Variants in PCDHA13 observed in about 807,000 individuals in gnomAD.
PCDHA13 encodes the protein protocadherin alpha-13.
A neutral mutation model predicts 64.8 loss-of-function variants in PCDHA13; 54 were observed. The ratio of observed to expected loss-of-function variants is 0.83; its 90% confidence interval spans 0.67 to 1.04. The LOEUF (loss-of-function observed/expected upper bound fraction) is 1.04, where lower values mean the gene tolerates loss of function less well. Among genes scored for constraint, PCDHA13 ranks in the 50% least tolerant of loss-of-function variants. The pLI, the probability that PCDHA13 is intolerant of heterozygous loss-of-function variation, is 0.00. For missense variants in PCDHA13, 1,248 were observed against 1,254.3 expected, an observed-to-expected ratio of 0.99 and a Z score of 0.08; for synonymous variants, 587 against 564.4, an observed-to-expected ratio of 1.04 and a Z score of -0.57.
At chr5:140,999,980 C>G (rs1386394350) in intron 3 of PCDHA13, among the ~76,000 whole-genome samples, 1 of 152,076 alleles carries the variant, frequency 6.6e-6, no homozygotes, top group East Asian at 1.9e-4. Flanking sequence ...GCTCTAGCGG[C>G]CTCTGGGTAG....
chr5:140,884,947 C>CA (rs2060414559), intron 1 of PCDHA13, among the ~76,000 whole-genome samples: 1 of 152,090 alleles, frequency 6.6e-6, no homozygotes, highest in Non-Finnish European at 1.5e-5. Context: ...TGAGCATTTA[C>CA]AAAAAATTCC....
At chr5:140,984,566 C>T (rs899278255) in intron 3 of PCDHA13, among the ~76,000 whole-genome samples, 4 of 152,124 alleles carry the variant, frequency 2.6e-5, no homozygotes, top group Non-Finnish European at 5.9e-5. Context: ...TCCAACTACT[C>T]CATGGCAACC....
chr5:140,974,751 G>A (rs530548991), intron 1 of PCDHA13, among the ~76,000 whole-genome samples: 11 of 152,284 alleles, frequency 7.2e-5, no homozygotes, highest in African/African-American at 2.4e-4. Flanking sequence ...GCCTCCCAAA[G>A]TGCTGGGATT....
At chr5:140,916,163 C>G (rs546851152) in intron 1 of PCDHA13, among the ~76,000 whole-genome samples, 1 of 152,066 alleles carries the variant, frequency 6.6e-6, no homozygotes, top group African/African-American at 2.4e-5. Context: ...TGAATGCTGC[C>G]AGGCCTGGGA....
intron 1 of PCDHA13, among the ~76,000 whole-genome samples, chr5:140,921,856 G>A (rs2080440097): frequency 6.6e-6 from 1 of 151,824 alleles, no homozygotes; most frequent in Non-Finnish European, 1.5e-5. Flanking sequence ...AGATGTGTGT[G>A]TATATATACA....
chr5:140,952,822 G>A (rs1364476088), intron 1 of PCDHA13, among the ~76,000 whole-genome samples: 3 of 152,184 alleles, frequency 2.0e-5, no homozygotes, highest in Non-Finnish European at 4.4e-5. Context: ...TGTACAGGAA[G>A]CATGATGCTG....
intron 1 of PCDHA13, chr5:140,926,588 C>A: frequency 3.4e-6 from 1 of 293,528 alleles, no homozygotes; most frequent in Admixed American, 5.0e-5. Context: ...CTCTCGCGCC[C>A]GGGCGGGCGG....
chr5:140,949,976 TACTTA>T (rs2094437494), intron 1 of PCDHA13, among the ~76,000 whole-genome samples: 1 of 151,940 alleles, frequency 6.6e-6, no homozygotes, highest in Admixed American at 6.6e-5. Flanking sequence ...ACAGCATACA[TACTTA>T]ACTTTTCTCA....
intron 3 of PCDHA13, among the ~76,000 whole-genome samples, chr5:140,993,470 ACAC>A: frequency 8.7e-6 from 1 of 115,268 alleles, no homozygotes; most frequent in South Asian, 2.9e-4. Context: ...TCTCACACAC[ACAC>A]ACACACACAC....
At chr5:140,892,707 G>A (rs958500270) in intron 1 of PCDHA13, among the ~76,000 whole-genome samples, 1 of 152,136 alleles carries the variant, frequency 6.6e-6, no homozygotes, top group African/African-American at 2.4e-5. Flanking sequence ...AGGGTAATTA[G>A]CATATTCATA....
chr5:140,882,930 A>C lies in PCDHA13; in HGVS notation c.662A>C (p.Glu221Ala). Residue 221 changes from glutamate to alanine, a missense_variant, in exon 1 of 4, where the codon GAG becomes GCG. By Grantham distance (107) the Glu-to-Ala change is moderately radical. Transcript: ENST00000289272. ...ACAGCCAGTGATGGAGGTAAACCCGAGCTGACTGGCACAGTTCAGCTGCTC... is the reference window on the plus strand; with the variant it reads ...ACAGCCAGTGATGGAGGTAAACCCGCGCTGACTGGCACAGTTCAGCTGCTC... ...LLTASDGGKP[E>A]LTGTVQLLIT... 8 of 1,614,214 alleles carry C rather than the reference A, an allele frequency of 5.0e-6. No homozygotes were observed. The highest frequency in any genetic ancestry group is 6.8e-6 in the Non-Finnish European group (8 of 1,180,046).
intron 1 of PCDHA13, among the ~76,000 whole-genome samples, chr5:140,965,010 C>T (rs1160052537): frequency 5.9e-5 from 9 of 152,154 alleles, no homozygotes; most frequent in Admixed American, 3.9e-4. Flanking sequence ...GTGTCAGGAT[C>T]ACAACCTTGG....
At chr5:140,929,592 C>A in intron 1 of PCDHA13, 1 of 424,552 alleles carries the variant, frequency 2.4e-6, no homozygotes, top group Non-Finnish European at 4.2e-6. Flanking sequence ...ACATAAAGGT[C>A]TAAAATTAAA....
chr5:140,982,795 A>ATGTG (rs60616196), intron 3 of PCDHA13, among the ~76,000 whole-genome samples: 1 of 151,628 alleles, frequency 6.6e-6, no homozygotes, highest in African/African-American at 2.4e-5. Context: ...GCATGTGTGC[A>ATGTG]TGTGTGTGTG....
At position 140,924,901 on chromosome 5, in the gene PCDHA13, A is replaced by AAAAT. The variant is rs1554202314; in HGVS notation, c.2394+40242_2394+40243insTAAA. ...CAGAGCAAGAACCTGTCTCAAAAAA[A>AAAAT]AAAATAAAATAAAATAAAATAAAAT... On this transcript the variant is annotated intron_variant, in intron 1 of 3. Coordinates refer to ENST00000289272, the MANE Select transcript of PCDHA13 (RefSeq NM_018904.3). 7.3e-4 allele frequency among the ~76,000 whole-genome samples: 59 copies of AAAAT among 80,496 alleles called. 1 individual carries two copies. The highest frequency in any genetic ancestry group is 6.1e-3 in the Middle Eastern group (1 of 164). The allele number at this position is 80,496 out of a possible 152,430, so 52.8% of individuals were successfully genotyped here. A position where few individuals can be genotyped will look rare whatever the true frequency, so the allele number is the denominator to read the frequency against.
intron 3 of PCDHA13, among the ~76,000 whole-genome samples, chr5:140,984,073 G>A (rs1294401230): frequency 4.6e-5 from 7 of 152,222 alleles, no homozygotes; most frequent in Non-Finnish European, 7.3e-5. Context: ...CAGTGCCAAC[G>A]ATGGAGTGAA....
At chr5:140,979,318 T>C (rs2096844474) in intron 2 of PCDHA13, among the ~76,000 whole-genome samples, 1 of 152,196 alleles carries the variant, frequency 6.6e-6, no homozygotes, top group Non-Finnish European at 1.5e-5. Context: ...CTACCTATGC[T>C]TTCTTTTCCT....
intron 3 of PCDHA13, among the ~76,000 whole-genome samples, chr5:141,009,358 C>G (rs993815936): frequency 8.5e-5 from 13 of 152,116 alleles, no homozygotes; most frequent in Admixed American, 6.6e-5. Flanking sequence ...ACTTGGGAGG[C>G]TAAGATGGGA....
chr5:141,005,701 CAAAAAAAAA>C (rs59860837), intron 3 of PCDHA13, among the ~76,000 whole-genome samples: 2 of 7,784 alleles, frequency 2.6e-4, no homozygotes, highest in African/African-American at 4.7e-4. Context: ...AACTCCGTCT[CAAAAAAAAA>C]AAAAAAAAAA....
Sources: gnomAD v4.1 joint callset for allele counts (sites outside exome capture counted in the v4.1 genomes callset) on GRCh38, gnomAD v4.1.1 for gene constraint, MANE v1.5 for transcripts, NCBI Gene and HGNC (gene_info 2026-07-23, HGNC 2026-07-21) for gene names.